Variants in INPP4A observed in about 807,000 individuals in gnomAD.
The protein encoded by INPP4A is inositol polyphosphate-4-phosphatase, type I, 107kD.
Under a neutral mutation model 119.8 loss-of-function variants are expected in INPP4A, and 33 were observed. The observed-to-expected ratio is 0.28, with a 90% CI of 0.21 to 0.37. The LOEUF is 0.37. Ranked by LOEUF, INPP4A falls within the 10% of genes least tolerant of loss-of-function variation. The pLI is 1.00. For missense variants in INPP4A, 956 were observed against 1,289.9 expected (o/e 0.74, Z 3.97); for synonymous variants, 496 against 500.7 (o/e 0.99, Z 0.12).
chr2:98,575,579 TCTC>T (rs1162112918), intron 23 of INPP4A, among the ~76,000 whole-genome samples: 1 of 152,194 alleles, frequency 6.6e-6, no homozygotes, highest in African/African-American at 2.4e-5. Context: ...AGAAGCCTAT[TCTC>T]CTTCTGATTG....
chr2:98,478,626 G>C (rs1262066995), intron 1 of INPP4A, among the ~76,000 whole-genome samples: 2 of 152,272 alleles, frequency 1.3e-5, no homozygotes, highest in Non-Finnish European at 2.9e-5. Context: ...CCTTTTTGAT[G>C]GTTACCAATG....
At chr2:98,458,682 G>A (rs1049259572) in intron 1 of INPP4A, among the ~76,000 whole-genome samples, 1 of 152,176 alleles carries the variant, frequency 6.6e-6, no homozygotes, top group Non-Finnish European at 1.5e-5. Context: ...TCCTGGGTGA[G>A]ACTCTGGCCC....
chr2:98,542,598 T>A (rs1274834781), intron 10 of INPP4A, among the ~76,000 whole-genome samples: 1 of 152,240 alleles, frequency 6.6e-6, no homozygotes, highest in Non-Finnish European at 1.5e-5. Context: ...ACCGATTTTC[T>A]ATGCTGAGGG....
chr2:98,509,824 G>C (rs1221924291), intron 1 of INPP4A, among the ~76,000 whole-genome samples: 1 of 152,186 alleles, frequency 6.6e-6, no homozygotes, highest in Non-Finnish European at 1.5e-5. Context: ...AAAATCCCCT[G>C]AACGTTCATG....
chr2:98,556,499 G>A (rs1694516705), intron 16 of INPP4A, among the ~76,000 whole-genome samples: 1 of 152,156 alleles, frequency 6.6e-6, no homozygotes, highest in African/African-American at 2.4e-5. Context: ...CTTAAAGCTG[G>A]GAAACAGTCC....
Position 98,524,226 on chromosome 2 carries a change from A to C in INPP4A, c.151+3495A>C, listed in dbSNP as rs112038992. 3.8e-3 allele frequency among the ~76,000 whole-genome samples: 573 copies of C among 152,034 alleles called. 7 individuals are homozygous for C. The highest frequency in any genetic ancestry group is 0.013 in the African/African-American group (554 of 41,498). ...CTCTTGAATATAGCATTGTTGAATC[A>C]AATATATGCAGTTTACCTCAACAGC... is the stretch of plus-strand genomic sequence containing the variant. On this transcript the variant is annotated intron_variant, in intron 4 of 24. Transcript: ENST00000409851.
At chr2:98,476,940 T>C (rs1007459164) in intron 1 of INPP4A, among the ~76,000 whole-genome samples, 34 of 152,368 alleles carry the variant, frequency 2.2e-4, no homozygotes, top group African/African-American at 8.2e-4. Flanking sequence ...CGGCATGGCC[T>C]GAGTGCCTCC....
intron 1 of INPP4A, among the ~76,000 whole-genome samples, chr2:98,471,531 C>T (rs557654036): frequency 5.3e-5 from 8 of 152,276 alleles, no homozygotes; most frequent in Admixed American, 5.2e-4. Context: ...AGTAAGGTTG[C>T]TTTTGAACAG....
At chr2:98,499,623 T>TA (rs979077108) in intron 1 of INPP4A, among the ~76,000 whole-genome samples, 1 of 152,180 alleles carries the variant, frequency 6.6e-6, no homozygotes, top group Non-Finnish European at 1.5e-5. Flanking sequence ...GCAGGGCAGC[T>TA]AAAAAATCCC....
intron 22 of INPP4A, 114 bp from the exon 23 acceptor site, chr2:98,572,701 G>A (rs1294245709): frequency 1.2e-5 from 8 of 644,636 alleles, no homozygotes; most frequent in Non-Finnish European, 2.1e-5. Context: ...TTCTTCAACC[G>A]GGAACTCATT....
intron 1 of INPP4A, among the ~76,000 whole-genome samples, chr2:98,470,078 T>C (rs1675670912): frequency 6.6e-6 from 1 of 152,226 alleles, no homozygotes; most frequent in Non-Finnish European, 1.5e-5. Context: ...CACATCTCAC[T>C]TGGTAAAACC....
At chr2:98,582,709 A>C (rs978872894) in intron 24 of INPP4A, among the ~76,000 whole-genome samples, 6 of 150,952 alleles carry the variant, frequency 4.0e-5, no homozygotes, top group Non-Finnish European at 8.8e-5. Context: ...AAGATCACCT[A>C]CTGCATACAC....
At chr2:98,549,026 A>G in intron 13 of INPP4A, 1 of 1,562,946 alleles carries the variant, frequency 6.4e-7, no homozygotes, top group South Asian at 1.2e-5. Context: ...CATGCAGAGA[A>G]AGCTTGTGCC....
intron 1 of INPP4A, among the ~76,000 whole-genome samples, chr2:98,453,045 C>CT (rs1695507726): frequency 6.6e-6 from 1 of 152,158 alleles, no homozygotes; most frequent in Non-Finnish European, 1.5e-5. Context: ...GTTATGTCCC[C>CT]TTTTTTGCAA....
At chr2:98,542,392 T>C (rs1691635574) in intron 10 of INPP4A, among the ~76,000 whole-genome samples, 1 of 152,272 alleles carries the variant, frequency 6.6e-6, no homozygotes. Context: ...TAGCTTTTTT[T>C]CTTTCTCAAA....
At chr2:98,528,500 C>T (rs1016029664) in intron 4 of INPP4A, among the ~76,000 whole-genome samples, 3 of 152,116 alleles carry the variant, frequency 2.0e-5, no homozygotes, top group Admixed American at 1.3e-4. Context: ...TTGAATAAAT[C>T]ATGACCAAAA....
At chr2:98,528,242 TATA>T (rs1205275344) in intron 4 of INPP4A, among the ~76,000 whole-genome samples, 4 of 152,114 alleles carry the variant, frequency 2.6e-5, no homozygotes, top group Non-Finnish European at 5.9e-5. Flanking sequence ...AGTTCAAAAT[TATA>T]ATAACTGAAA....
At chr2:98,542,151 A>G (rs1691586031) in intron 10 of INPP4A, among the ~76,000 whole-genome samples, 2 of 152,262 alleles carry the variant, frequency 1.3e-5, no homozygotes, top group South Asian at 4.1e-4. Flanking sequence ...CCTGAAGCAT[A>G]GGAAGCCACC....
rs1696309743 is a variant in INPP4A at position 98,565,696 on chromosome 2, G to A, written c.2209G>A (p.Val737Met). 1.9e-6 allele frequency: 3 copies of A among 1,613,442 alleles called. No individual in the cohort carries two copies. The highest frequency in any genetic ancestry group is 1.7e-4 in the Middle Eastern group (1 of 6,056). ...MSLGIMDLRN[V>M]TFKVTQATSS... ...CCTTGGGATCATGGACTTGAGGAAC[G>A]TGACCTTCAAAGTCACTCAGGCCAC... is the stretch of plus-strand genomic sequence containing the variant. The change falls in exon 20 of 25, where the codon GTG (valine) becomes ATG (methionine). Residue 737 changes from valine to methionine, a missense_variant. By Grantham distance (21) the Val-to-Met change is conservative (BLOSUM62 1). This residue lies in a region of INPP4A where 304 missense variants were observed against 492.1 expected (regional missense o/e 0.62). Transcript: ENST00000409851.
Sources: allele counts gnomAD v4.1 joint callset (sites outside exome capture counted in the v4.1 genomes callset), GRCh38; gene constraint gnomAD v4.1.1; regional missense constraint gnomAD v4.1.1; transcripts MANE v1.5; gene names NCBI Gene and HGNC (gene_info 2026-07-23, HGNC 2026-07-21).